Variants in ZNF780A observed in about 807,000 individuals in gnomAD.
The protein encoded by ZNF780A is zinc finger protein 780A.
ZNF780A carries 40 observed loss-of-function variants against 56.7 expected under a neutral mutation model. The ratio of observed to expected loss-of-function variants is 0.71; its 90% CI spans 0.55 to 0.92. The LOEUF is 0.92. Ranked by LOEUF, ZNF780A falls within the 40% of genes least tolerant of loss-of-function variation. ZNF780A has a pLI of 0.00. For synonymous variants in ZNF780A, 231 were observed against 248.3 expected (o/e 0.93, Z 0.66); for missense variants, 672 against 783.3 (o/e 0.86, Z 1.70).
intron 5 of ZNF780A, among the ~76,000 whole-genome samples, chr19:40,080,195 G>C (rs1974393102): frequency 6.6e-6 from 1 of 152,230 alleles, no homozygotes; most frequent in African/African-American, 2.4e-5. Flanking sequence ...AGGACTGATG[G>C]CTTCACTGCT....
intron 1 of ZNF780A, 45 bp from the exon 2 acceptor site, chr19:40,090,280 A>G (rs761936743): frequency 6.6e-6 from 1 of 152,132 alleles, no homozygotes; most frequent in Non-Finnish European, 1.5e-5. Flanking sequence ...CATTTCTTGG[A>G]GCGCAGACTA....
rs146805558 is a variant in ZNF780A, at chr19:40,085,564, C to T, written c.-45-766G>A. The stretch of plus-strand genomic sequence containing the variant: ...AAGAGTTCTCCTCTGTGTATTGTAG[C>T]TCCAATTTTCTTCTTTTTGCTTAAG... On this transcript the variant is annotated intron_variant, in intron 2 of 5. Coordinates refer to ENST00000683561, the MANE Select transcript of ZNF780A (RefSeq NM_001142578.2). Among the ~76,000 whole-genome samples the T allele has an allele frequency of 5.6e-3, 856 of 152,128 alleles. 5 individuals carry two copies. Among genetic ancestry groups the T allele is most frequent in the Non-Finnish European group, 6.4e-3 (434 of 67,984 alleles).
downstream of ZNF780A, chr19:40,071,346 T>G (rs1599820266): frequency 6.6e-6 from 1 of 152,250 alleles, no homozygotes; most frequent in East Asian, 1.9e-4. Flanking sequence ...TATCAACAGC[T>G]CACATACCAG....
At chr19:40,072,690 G>T, downstream of ZNF780A, 8 of 990,014 alleles carry the variant, frequency 8.1e-6, no homozygotes, top group Non-Finnish European at 1.0e-5. Flanking sequence ...GGAGAAAGGA[G>T]AAATGTTCTA....
rs932418889 is a variant in ZNF780A, at chr19:40,073,484, T to C, written c.*1032A>G. 2.0e-6 allele frequency: 2 copies of C among 982,294 alleles called. No individual in the cohort carries two copies. Among genetic ancestry groups the C allele is most frequent in the Non-Finnish European group, 2.4e-6 (2 of 827,178 alleles). 60.8% of individuals were successfully genotyped at this position (982,294 alleles called of 1,614,324 possible). A position where few individuals can be genotyped will look rare whatever the true frequency, so the allele number is the denominator to read the frequency against. ...CACAGGGTTGCCACAAACCTTCAGT[T>C]TGTATAAAACACAATAACTGCAATG... On this transcript the variant is annotated 3_prime_UTR_variant, in exon 6 of 6. Transcript: ENST00000683561.
At chr19:40,088,627 T>C (rs538622869) in intron 2 of ZNF780A, among the ~76,000 whole-genome samples, 1 of 152,234 alleles carries the variant, frequency 6.6e-6, no homozygotes, top group South Asian at 2.1e-4. Flanking sequence ...TACCATATGA[T>C]CCAGCCATCC....
chr19:40,085,663 C>T (rs1399796240), intron 2 of ZNF780A, among the ~76,000 whole-genome samples: 4 of 151,924 alleles, frequency 2.6e-5, no homozygotes, highest in African/African-American at 4.8e-5. Flanking sequence ...AGGCAGATCA[C>T]GAGGTCAGGA....
intron 5 of ZNF780A, among the ~76,000 whole-genome samples, chr19:40,081,162 T>A (rs898972699): frequency 1.3e-5 from 2 of 150,590 alleles, no homozygotes; most frequent in Admixed American, 6.7e-5. Context: ...CAAAATTAAA[T>A]GAGAGAAATT....
intron 5 of ZNF780A, 92 bp downstream of exon 5, chr19:40,081,727 C>T: frequency 1.8e-6 from 2 of 1,137,694 alleles, no homozygotes; most frequent in South Asian, 2.5e-5. Context: ...CTGAAGAAAG[C>T]TTTTCAAACC....
Position 40,074,412 on chromosome 19 carries a change from C to T in ZNF780A, c.*104G>A. The stretch of plus-strand genomic sequence containing the variant: ...ATAACGTTTGAACCACAAATGAAGC[C>T]TTTCCCACACCCCTTACATTCACAT... On this transcript the variant is annotated 3_prime_UTR_variant, in exon 6 of 6. Transcript: ENST00000683561. 1 of 1,554,004 alleles carries T rather than the reference C, an allele frequency of 6.4e-7. No homozygotes were observed.
downstream of ZNF780A, chr19:40,072,892 GAT>G (rs1290789661): frequency 6.5e-7 from 1 of 1,549,718 alleles, no homozygotes; most frequent in South Asian, 1.2e-5. Context: ...ACTAAAGAGA[GAT>G]AACCAAATGC....
At chr19:40,078,742 G>T (rs996160625) in intron 5 of ZNF780A, among the ~76,000 whole-genome samples, 9 of 152,150 alleles carry the variant, frequency 5.9e-5, no homozygotes, top group African/African-American at 1.9e-4. Context: ...GCTGAGGGCA[G>T]ACCAGCTCTA....
intron 2 of ZNF780A, among the ~76,000 whole-genome samples, chr19:40,087,482 A>G (rs780747362): frequency 1.1e-4 from 17 of 152,160 alleles, no homozygotes; most frequent in Non-Finnish European, 1.8e-4. Flanking sequence ...TTTTTTTGAT[A>G]ATCTTATGAA....
chr19:40,084,840 G>C (rs778820965), intron 2 of ZNF780A, 42 bp from the exon 3 acceptor site: 1 of 1,543,704 alleles, frequency 6.5e-7, no homozygotes, highest in South Asian at 1.2e-5. Flanking sequence ...TTAAAGCTGT[G>C]TCTCAAAAGC....
intron 3 of ZNF780A, among the ~76,000 whole-genome samples, chr19:40,084,077 T>C (rs1284230976): frequency 6.6e-6 from 1 of 151,722 alleles, no homozygotes; most frequent in Admixed American, 6.6e-5. Flanking sequence ...TTTTTTTTTT[T>C]CTTTTTTTAG....
Position 40,075,642 on chromosome 19 carries a change from T to C in ZNF780A, c.800A>G (p.His267Arg), listed in dbSNP as rs775752348. ...SFNRSSNLVQ[H>R]QSIHSGVKPY... ...TTTTACACCAGAATGAATACTCTGA[T>C]GTTGAACAAGGTTTGAGCTACGATT... Residue 267 changes from histidine to arginine, a missense_variant, in exon 6 of 6, where the codon CAT becomes CGT. By Grantham distance (29) the His-to-Arg change is conservative. Transcript: ENST00000683561. 7 of 1,613,860 alleles carry C rather than the reference T, an allele frequency of 4.3e-6. No individual in the cohort carries two copies. The highest frequency in any genetic ancestry group is 5.9e-6 in the Non-Finnish European group (7 of 1,179,986).
intron 5 of ZNF780A, among the ~76,000 whole-genome samples, 157 bp downstream of exon 5, chr19:40,081,662 A>T (rs1381703866): frequency 6.6e-6 from 1 of 152,168 alleles, no homozygotes; most frequent in East Asian, 1.9e-4. Flanking sequence ...CTTCTGCTGT[A>T]ATCTTTATTT....
intron 5 of ZNF780A, among the ~76,000 whole-genome samples, chr19:40,080,949 A>G (rs1031004408): frequency 1.1e-4 from 16 of 152,196 alleles, no homozygotes; most frequent in Admixed American, 8.5e-4. Flanking sequence ...CTGGAAATGG[A>G]TTAAAGACTT....
chr19:40,070,367 A>G (rs1568437705), downstream of ZNF780A: 1 of 152,208 alleles, frequency 6.6e-6, no homozygotes, highest in Non-Finnish European at 1.5e-5. Context: ...CTTAGTAACC[A>G]TGACTCTGGG....
Sources: allele counts gnomAD v4.1 joint callset (sites outside exome capture counted in the v4.1 genomes callset), GRCh38; gene constraint gnomAD v4.1.1; transcripts MANE v1.5; gene names NCBI Gene and HGNC (gene_info 2026-07-23, HGNC 2026-07-21).